Variants in HIPK1 observed in about 807,000 individuals in gnomAD.
The protein encoded by HIPK1 is homeodomain-interacting protein kinase 1.
HIPK1 carries 28 observed loss-of-function variants against 117.1 expected under a neutral mutation model. That is an observed-to-expected ratio of 0.24 (90% CI 0.18 to 0.33). The LOEUF (loss-of-function observed/expected upper bound fraction) is 0.33, where lower values mean the gene tolerates loss of function less well. Among genes scored for constraint, HIPK1 ranks in the 10% least tolerant of loss-of-function variants. The pLI is 1.00. For synonymous variants in HIPK1, 605 were observed against 562.5 expected, an observed-to-expected ratio of 1.08 and a Z score of -1.07; for missense variants, 1,122 against 1,475.1, an observed-to-expected ratio of 0.76 and a Z score of 3.92.
chr1:113,968,360 A>G, intron 12 of HIPK1, 82 bp from the exon 13 acceptor site: 1 of 968,574 alleles, frequency 1.0e-6, no homozygotes, highest in Non-Finnish European at 1.7e-6. Flanking sequence ...CAATGAGTAA[A>G]TTGGAAAGCA....
intron 2 of HIPK1, among the ~76,000 whole-genome samples, chr1:113,949,565 G>A (rs1671210773): frequency 6.6e-6 from 1 of 151,584 alleles, no homozygotes; most frequent in Admixed American, 6.6e-5. Flanking sequence ...ACCTGCAACA[G>A]GAATATCACT....
intron 1 of HIPK1, among the ~76,000 whole-genome samples, chr1:113,939,901 A>G (rs1258599135): frequency 2.6e-5 from 4 of 151,472 alleles, no homozygotes; most frequent in Non-Finnish European, 4.4e-5. Context: ...TTTTTCTGCT[A>G]ACTTTCCTCG....
chr1:113,940,421 T>C lies in HIPK1; in HGVS notation c.38T>C (p.Val13Ala), dbSNP rs997303311. ...CTGCAAGTGTTTTCGCCCCCATCAG[T>C]GTCGTCGAGTGCCTTCTGCAGTGCG... ...SQLQVFSPPS[V>A]SSSAFCSAKK... is the part of the protein sequence containing the mutation. The change falls in exon 2 of 16, where the codon GTG becomes GCG. Residue 13 changes from valine to alanine, a missense_variant. Val to Ala is a moderately conservative substitution (Grantham distance 64, BLOSUM62 0). This residue lies in a region of HIPK1 where 192 missense variants were observed against 234.0 expected (regional missense o/e 0.82). Transcript: ENST00000426820. The C allele has an allele frequency of 3.7e-6, 6 of 1,612,928 alleles. No homozygotes were observed. The Admixed American group carries it at 5.0e-5, about 13-fold the overall frequency.
At chr1:113,929,899 C>T in intron 1 of HIPK1, 1 of 986,518 alleles carries the variant, frequency 1.0e-6, no homozygotes, top group African/African-American at 1.7e-5. Flanking sequence ...CGCCTCCTCA[C>T]GGCAGCCCCA....
At chr1:113,938,902 T>A (rs1210668182) in intron 1 of HIPK1, among the ~76,000 whole-genome samples, 4 of 93,550 alleles carry the variant, frequency 4.3e-5, no homozygotes, top group African/African-American at 1.8e-4. Flanking sequence ...AGAGTGAGAC[T>A]CTGTCTCAAA....
intron 3 of HIPK1, among the ~76,000 whole-genome samples, chr1:113,953,134 A>C (rs1353749703): frequency 6.6e-6 from 1 of 152,216 alleles, no homozygotes; most frequent in Non-Finnish European, 1.5e-5. Flanking sequence ...ATACTTTGCT[A>C]GATCTGTAAT....
intron 2 of HIPK1, among the ~76,000 whole-genome samples, chr1:113,950,231 A>G (rs1251871504): frequency 6.6e-6 from 1 of 152,100 alleles, no homozygotes; most frequent in African/African-American, 2.4e-5. Context: ...CTGCACATAT[A>G]CACAAAACAA....
chr1:113,930,801 G>A (rs949239559), intron 1 of HIPK1: 1 of 152,268 alleles, frequency 6.6e-6, no homozygotes, highest in Non-Finnish European at 1.5e-5. Flanking sequence ...ACTTGGGGAG[G>A]GGGGTTCAGG....
chr1:113,938,624 G>A (rs1007135976), intron 1 of HIPK1, among the ~76,000 whole-genome samples: 2 of 151,806 alleles, frequency 1.3e-5, no homozygotes, highest in Admixed American at 1.3e-4. Context: ...AATATACTTA[G>A]GAGGCCAGGG....
chr1:113,950,332 C>T (rs997635208), intron 2 of HIPK1, among the ~76,000 whole-genome samples: 1 of 152,180 alleles, frequency 6.6e-6, no homozygotes, highest in Non-Finnish European at 1.5e-5. Flanking sequence ...ACGGAAAGAT[C>T]TGTTTTCCAT....
chr1:113,942,261 A>G (rs1054444389), intron 2 of HIPK1, among the ~76,000 whole-genome samples: 4 of 150,222 alleles, frequency 2.7e-5, no homozygotes, highest in African/African-American at 9.9e-5. Flanking sequence ...GGGTTTCACC[A>G]TGTTGACCGG....
chr1:113,950,280 TG>T (rs1671262686), intron 2 of HIPK1, among the ~76,000 whole-genome samples: 1 of 152,076 alleles, frequency 6.6e-6, no homozygotes, highest in Non-Finnish European at 1.5e-5. Flanking sequence ...TTGAGAAACC[TG>T]GGTATTCTGT....
Position 113,956,986 on chromosome 1 carries a change from C to G in HIPK1, c.1593-138C>G. 4 of 895,274 alleles carry G rather than the reference C, an allele frequency of 4.5e-6. 1 individual carries two copies. In the Admixed American group the frequency reaches 1.1e-4, roughly 24 times the overall value. 55.5% of individuals were successfully genotyped at this position (895,274 alleles called of 1,614,324 possible). Reference sequence around the variant, plus strand: ...AAAATTAGATGTGTATTTTTCTTCCCTATGATTATACAAATTCTTGATTTA... The same window carrying G: ...AAAATTAGATGTGTATTTTTCTTCCGTATGATTATACAAATTCTTGATTTA... On this transcript the variant is annotated intron_variant, in intron 6 of 15. Transcript: ENST00000426820.
rs948892839 is a variant in HIPK1, at chr1:113,977,815, T to C, written c.*4303T>C. ...AAATTTTCTGACTTATGTGGCTGTT[T>C]TTGACTTCTGTTATAGGATATAAAG... On this transcript the variant is annotated 3_prime_UTR_variant, in exon 16 of 16. Transcript: ENST00000426820. 3 of 152,782 alleles carry C rather than the reference T, an allele frequency of 2.0e-5. No homozygotes were observed. Among genetic ancestry groups the C allele is most frequent in the Non-Finnish European group, 4.4e-5 (3 of 68,044 alleles). The allele number at this position is 152,782 out of a possible 1,614,324, so 9.5% of individuals were successfully genotyped here.
chr1:113,955,654 G>A lies in HIPK1; in HGVS notation c.1407+5G>A, dbSNP rs1444505152. 9.2e-6 allele frequency: 14 copies of A among 1,530,046 alleles called. No individual in the cohort carries two copies. Among genetic ancestry groups the A allele is most frequent in the Non-Finnish European group, 1.2e-5 (13 of 1,114,354 alleles). 94.8% of individuals were successfully genotyped at this position (1,530,046 alleles called of 1,614,324 possible). ...TGCTTAGATGACATGGCTCAGGTGA[G>A]TACGGAAAGTTTCAGAAAGTCAGAC... On this transcript the variant is annotated splice_donor_5th_base_variant and intron_variant, in intron 5 of 15. Coordinates refer to ENST00000426820, the MANE Select transcript of HIPK1 (RefSeq NM_198268.3).
At chr1:113,970,704 A>G (rs1558150087) in intron 14 of HIPK1, among the ~76,000 whole-genome samples, 2 of 152,176 alleles carry the variant, frequency 1.3e-5, no homozygotes, top group Non-Finnish European at 2.9e-5. Flanking sequence ...TACTGGACTT[A>G]AGCTCCCTGG....
At chr1:113,971,379 A>G (rs1332722994) in intron 14 of HIPK1, among the ~76,000 whole-genome samples, 2 of 152,264 alleles carry the variant, frequency 1.3e-5, no homozygotes, top group African/African-American at 2.4e-5. Flanking sequence ...ATTTGAAGAC[A>G]GTAAGTGTCC....
At chr1:113,971,349 C>T (rs1672810285) in intron 14 of HIPK1, among the ~76,000 whole-genome samples, 1 of 152,234 alleles carries the variant, frequency 6.6e-6, no homozygotes, top group Admixed American at 6.5e-5. Flanking sequence ...TCACATTCAG[C>T]TGTCCTGTAA....
At chr1:113,955,447 C>T in intron 4 of HIPK1, 116 bp from the exon 5 acceptor site, 1 of 654,382 alleles carries the variant, frequency 1.5e-6, no homozygotes, top group Non-Finnish European at 2.8e-6. Flanking sequence ...TTCATGTTTG[C>T]CATCTATGGT....
Sources: allele counts gnomAD v4.1 joint callset (sites outside exome capture counted in the v4.1 genomes callset), GRCh38; gene constraint gnomAD v4.1.1; regional missense constraint gnomAD v4.1.1; transcripts MANE v1.5; gene names NCBI Gene and HGNC (gene_info 2026-07-23, HGNC 2026-07-21).